The following BAD variants were observed in gnomAD, a reference collection of about 807,000 sequenced individuals.
The protein encoded by BAD is BCL2 associated agonist of cell death.
A neutral mutation model predicts 17.8 loss-of-function variants in BAD; 18 were observed. The observed-to-expected ratio is 1.01, with a 90% CI of 0.70 to 1.50. The LOEUF (loss-of-function observed/expected upper bound fraction) is 1.50. Ranked by LOEUF, BAD falls within the 40% of genes most tolerant of loss-of-function variation. The pLI is 0.00. For missense variants in BAD, 294 were observed against 239.3 expected, an observed-to-expected ratio of 1.23 and a Z score of -1.51; for synonymous variants, 112 against 91.5, an observed-to-expected ratio of 1.22 and a Z score of -1.28.
At chr11:64,283,221 C>T (rs1287460644) in intron 2 of BAD, among the ~76,000 whole-genome samples, 1 of 152,188 alleles carries the variant, frequency 6.6e-6, no homozygotes, top group Non-Finnish European at 1.5e-5. Context: ...GCCAGAGTGA[C>T]ATGACCTAGT....
rs1305734212 is a variant in BAD at position 64,270,067 on chromosome 11, G to A, written c.*142C>T. ...TCCGTGGCTTCACACGCACCGGAAG[G>A]GAATCTGGGTCAGCCCTCCCTCCAA... On this transcript the variant is annotated 3_prime_UTR_variant, in exon 4 of 4. Coordinates refer to ENST00000309032, the MANE Select transcript of BAD (RefSeq NM_032989.3). 7.0e-7 allele frequency: 1 copy of A among 1,419,882 alleles called. No individual in the cohort carries two copies. The highest frequency in any genetic ancestry group is 9.7e-7 in the Non-Finnish European group (1 of 1,036,116). 88.0% of individuals were successfully genotyped at this position (1,419,882 alleles called of 1,614,324 possible). A position where few individuals can be genotyped will look rare whatever the true frequency, so the allele number is the denominator to read the frequency against.
rs570577158 is a variant in BAD at position 64,271,719 on chromosome 11, C to T, written c.272G>A (p.Ser91Asn). 5 of 1,460,590 alleles carry T rather than the reference C, an allele frequency of 3.4e-6. No individual in the cohort carries two copies. Among genetic ancestry groups the T allele is most frequent in the East Asian group, 5.4e-5 (2 of 37,110 alleles). 90.5% of individuals were successfully genotyped at this position (1,460,590 alleles called of 1,614,324 possible). A position where few individuals can be genotyped will look rare whatever the true frequency, so the allele number is the denominator to read the frequency against. The change falls in exon 3 of 4, where the codon AGC (serine) becomes AAC (asparagine). Residue 91 changes from serine (S) to asparagine (N), a missense_variant. Coordinates refer to ENST00000309032, the MANE Select transcript of BAD (RefSeq NM_032989.3). ...EDDEGMGEEP[S>N]PFRGRSRSAP... ...CGAGCGCGAGCGGCCCCGAAAGGGG[C>T]TGGGCTCCTCCCCCATCCCTTCGTC...
At chr11:64,275,565 T>G (rs1695433739) in intron 2 of BAD, 1 of 151,994 alleles carries the variant, frequency 6.6e-6, no homozygotes, top group African/African-American at 2.4e-5. Context: ...CCCAGCCAGG[T>G]GAATATCCAG....
At chr11:64,279,290 C>T (rs1365665960) in intron 2 of BAD, among the ~76,000 whole-genome samples, 1 of 152,124 alleles carries the variant, frequency 6.6e-6, no homozygotes, top group Admixed American at 6.5e-5. Context: ...TGCGGCTTCC[C>T]AGGGCTTGCT....
chr11:64,281,093 GAGT>G (rs1319764068), intron 2 of BAD, among the ~76,000 whole-genome samples: 1 of 151,186 alleles, frequency 6.6e-6, no homozygotes, highest in Non-Finnish European at 1.5e-5. Flanking sequence ...TCAGCCTCCA[GAGT>G]AGCTGGGACT....
intron 2 of BAD, 100 bp downstream of exon 2, chr11:64,284,082 C>G (rs2033668403): frequency 1.4e-6 from 2 of 1,393,226 alleles, no homozygotes; most frequent in Non-Finnish European, 9.6e-7. Context: ...GTTTGGGGAC[C>G]GACCCAAAGC....
chr11:64,271,779 C>A lies in BAD; in HGVS notation c.212G>T (p.Ser71Ile). The A allele has an allele frequency of 7.3e-7, 1 of 1,377,344 alleles. No homozygotes were observed. Among genetic ancestry groups the A allele is most frequent in the South Asian group, 1.8e-5 (1 of 54,890 alleles). 85.3% of individuals were successfully genotyped at this position (1,377,344 alleles called of 1,614,324 possible). A position where few individuals can be genotyped will look rare whatever the true frequency, so the allele number is the denominator to read the frequency against. Residue 71 changes from serine (S) to isoleucine (I), a missense_variant, in exon 3 of 4, where the codon AGT becomes ATT. Physicochemically the swap from Ser to Ile is moderately radical, Grantham distance 142 (BLOSUM62 -2). Transcript: ENST00000309032. ...CCCCGCGGGGTAGGAGCTGTGGCGA[C>A]TCCGGATCTCCACAGCCCCAGCGCC... is the stretch of plus-strand genomic sequence containing the variant. ...HGGAGAVEIRSRHSSYPAGTE... is the reference protein window; with the variant it reads ...HGGAGAVEIRIRHSSYPAGTE...
intron 2 of BAD, chr11:64,272,727 T>G (rs1398350507): frequency 6.6e-6 from 1 of 152,276 alleles, no homozygotes; most frequent in African/African-American, 2.4e-5. Flanking sequence ...GCCCAGTTTC[T>G]GTGAAGCTGT....
chr11:64,278,568 A>T (rs557713940), intron 2 of BAD, among the ~76,000 whole-genome samples: 17 of 152,256 alleles, frequency 1.1e-4, no homozygotes, highest in Non-Finnish European at 1.2e-4. Context: ...TTTACAGATG[A>T]GGAAACTCAG....
chr11:64,280,153 T>C (rs1485064429), intron 2 of BAD, among the ~76,000 whole-genome samples: 3 of 150,696 alleles, frequency 2.0e-5, no homozygotes, highest in African/African-American at 4.9e-5. Context: ...CCATCTCTAC[T>C]AAAAACACAC....
In BAD at chr11:64,270,344, G is replaced by A. The variant is rs764960107; in HGVS notation, c.379-7C>T. The A allele has an allele frequency of 9.1e-6, 14 of 1,544,186 alleles. No individual in the cohort carries two copies. Among genetic ancestry groups the A allele is most frequent in the Non-Finnish European group, 1.2e-5 (14 of 1,142,194 alleles). ...TCGGGCGAGGAAGTCCCTTCTGGTGGAGGGAGAAAAGGGTTACATGAGTTA... is the reference window on the plus strand; with the variant it reads ...TCGGGCGAGGAAGTCCCTTCTGGTGAAGGGAGAAAAGGGTTACATGAGTTA... On this transcript the variant is annotated splice_region_variant and splice_polypyrimidine_tract_variant and intron_variant, in intron 3 of 3. Transcript: ENST00000309032.
At chr11:64,275,725 T>C (rs2033009966) in intron 2 of BAD, 1 of 151,988 alleles carries the variant, frequency 6.6e-6, no homozygotes, top group South Asian at 2.1e-4. Context: ...ACAGGACCAC[T>C]ACGCTTGCCG....
rs192629069 is a variant in BAD, at chr11:64,271,655, G to T, written c.336C>A (p.Arg112=). The T allele has an allele frequency of 1.3e-6, 2 of 1,508,460 alleles. No individual in the cohort carries two copies. Among genetic ancestry groups the T allele is most frequent in the African/African-American group, 1.4e-5 (1 of 70,198 alleles). 93.4% of individuals were successfully genotyped at this position (1,508,460 alleles called of 1,614,324 possible). A position where few individuals can be genotyped will look rare whatever the true frequency, so the allele number is the denominator to read the frequency against. The change falls in exon 3 of 4, where the codon CGC becomes CGA. Residue 112 remains arginine (R), a synonymous_variant. Transcript: ENST00000309032. ...ACTCGTCACTCATCCTCCGGAGCTC[G>T]CGGCCATAGCGCTGTGCTGCCCAGA... ...PNLWAAQRYG[R]ELRRMSDEFV...
intron 3 of BAD, among the ~76,000 whole-genome samples, 196 bp downstream of exon 3, chr11:64,271,417 A>G (rs911737822): frequency 4.8e-5 from 7 of 145,984 alleles, no homozygotes; most frequent in East Asian, 2.0e-4. Context: ...CAGGCGGGGG[A>G]AGAGCTGGGG....
In BAD at chr11:64,269,865, G is replaced by A. The variant is rs748571587; in HGVS notation, c.*344C>T. On this transcript the variant is annotated 3_prime_UTR_variant, in exon 4 of 4. Coordinates refer to ENST00000309032, the MANE Select transcript of BAD (RefSeq NM_032989.3). ...ACGCGGGCTTTATTAACATTTGGTA[G>A]TGAGCACGGCCCCCAGGGCATCGCG... is the stretch of plus-strand genomic sequence containing the variant. The A allele has an allele frequency of 2.4e-5, 17 of 698,254 alleles. No individual in the cohort carries two copies. Among genetic ancestry groups the A allele is most frequent in the Non-Finnish European group, 4.4e-5 (17 of 384,138 alleles). 43.3% of individuals were successfully genotyped at this position (698,254 alleles called of 1,614,324 possible).
At chr11:64,282,127 C>T (rs1424469172) in intron 2 of BAD, among the ~76,000 whole-genome samples, 7 of 152,202 alleles carry the variant, frequency 4.6e-5, no homozygotes, top group Non-Finnish European at 1.0e-4. Context: ...AGGTAAGCTC[C>T]ACAAGGGCAA....
rs748893784 is a variant in BAD, at chr11:64,271,728, T to TG, written c.262_263insC (p.Glu88AlafsTer32). 15 of 1,445,174 alleles carry TG rather than the reference T, an allele frequency of 1.0e-5. No individual in the cohort carries two copies. Among genetic ancestry groups the TG allele is most frequent in the Non-Finnish European group, 1.4e-5 (15 of 1,098,550 alleles). 89.5% of individuals were successfully genotyped at this position (1,445,174 alleles called of 1,614,324 possible). On this transcript the variant is annotated frameshift_variant, in exon 3 of 4. Coordinates refer to ENST00000309032, the MANE Select transcript of BAD (RefSeq NM_032989.3). LOFTEE classifies it high-confidence loss of function. ...GCGGCCCCGAAAGGGGCTGGGCTCC[T>TG]CCCCCATCCCTTCGTCGTCCTCCGT...
intron 2 of BAD, among the ~76,000 whole-genome samples, chr11:64,272,245 G>A (rs939294999): frequency 6.6e-6 from 1 of 152,046 alleles, no homozygotes; most frequent in Non-Finnish European, 1.5e-5. Context: ...TTTGAACCCA[G>A]GAGGGAGAGG....
Position 64,269,863 on chromosome 11 carries a change from T to A in BAD, c.*346A>T, listed in dbSNP as rs534841154. ...AGACGCGGGCTTTATTAACATTTGG[T>A]AGTGAGCACGGCCCCCAGGGCATCG... On this transcript the variant is annotated 3_prime_UTR_variant, in exon 4 of 4. Transcript: ENST00000309032. 2 of 697,972 alleles carry A rather than the reference T, an allele frequency of 2.9e-6. No homozygotes were observed. The highest frequency in any genetic ancestry group is 1.5e-5 in the South Asian group (1 of 66,624). The allele number at this position is 697,972 out of a possible 1,614,324, so 43.2% of individuals were successfully genotyped here. A position where few individuals can be genotyped will look rare whatever the true frequency, so the allele number is the denominator to read the frequency against.
Sources: gnomAD v4.1 joint callset for allele counts (sites outside exome capture counted in the v4.1 genomes callset) on GRCh38, gnomAD v4.1.1 for gene constraint, MANE v1.5 for transcripts, NCBI Gene and HGNC (gene_info 2026-07-23, HGNC 2026-07-21) for gene names.